FAM168B: variants seen among roughly 807,000 people sequenced by gnomAD.
FAM168B encodes the protein family with sequence similarity 168 member B.
Under a neutral mutation model 21.8 loss-of-function variants are expected in FAM168B, and 19 were observed. The ratio of observed to expected loss-of-function variants is 0.87; its 90% confidence interval spans 0.61 to 1.28. FAM168B has a LOEUF of 1.28. Among genes scored for constraint, FAM168B ranks in the 50% most tolerant of loss-of-function variants. The probability of loss-of-function intolerance (pLI) is 0.00; values close to 1 mark genes in which losing one functional copy is unlikely to be tolerated. For synonymous variants in FAM168B, 126 were observed against 104.8 expected, an observed-to-expected ratio of 1.20 and a Z score of -1.24; for missense variants, 233 against 263.1, an observed-to-expected ratio of 0.89 and a Z score of 0.79.
At chr2:131,053,080 G>A (rs767390969) in intron 5 of FAM168B, 65 bp from the exon 6 acceptor site, 46 of 1,480,948 alleles carry the variant, frequency 3.1e-5, no homozygotes, top group South Asian at 3.9e-5. Flanking sequence ...TGCCTGATAC[G>A]CACACAAGCC....
chr2:131,090,733 C>T (rs1426458975), intron 1 of FAM168B, among the ~76,000 whole-genome samples: 1 of 151,998 alleles, frequency 6.6e-6, no homozygotes, highest in East Asian at 1.9e-4. Context: ...ATAATATATA[C>T]AAATTTTTTG....
intron 1 of FAM168B, among the ~76,000 whole-genome samples, chr2:131,091,591 G>C (rs11677737): frequency 0.061 from 9,276 of 151,076 alleles, 361 homozygotes; most frequent in East Asian, 0.14. Flanking sequence ...AGGTTGCAGT[G>C]AGCCGAGATC....
chr2:131,075,082 T>G (rs1693071145), intron 2 of FAM168B, among the ~76,000 whole-genome samples: 1 of 152,018 alleles, frequency 6.6e-6, no homozygotes. Context: ...CAGAGTGTGG[T>G]GGACGTCAAG....
intron 1 of FAM168B, among the ~76,000 whole-genome samples, chr2:131,085,597 GTAGTAAGAAGAAAATAT>G (rs1693652157): frequency 6.6e-6 from 1 of 152,230 alleles, no homozygotes; most frequent in Admixed American, 6.5e-5. Context: ...AAGCAATCCT[GTAGTAAGAAGAAAATAT>G]TAGGTCACAT....
chr2:131,080,413 G>A (rs757013935), intron 2 of FAM168B, among the ~76,000 whole-genome samples: 23 of 150,986 alleles, frequency 1.5e-4, no homozygotes, highest in Non-Finnish European at 2.9e-4. Flanking sequence ...TCAGGAGAGC[G>A]GATCACTTGA....
chr2:131,088,875 T>A (rs908459653), intron 1 of FAM168B, among the ~76,000 whole-genome samples: 1 of 151,896 alleles, frequency 6.6e-6, no homozygotes, highest in African/African-American at 2.4e-5. Flanking sequence ...ATGTTAGTGC[T>A]ACTAAAATCT....
In FAM168B at chr2:131,049,567, A is replaced by C. The variant is rs777526345; in HGVS notation, c.*2898T>G. On this transcript the variant is annotated 3_prime_UTR_variant, in exon 7 of 7. Coordinates refer to ENST00000389915, the MANE Select transcript of FAM168B (RefSeq NM_001009993.4). The stretch of plus-strand genomic sequence containing the variant: ...ATGCTCAGCCGCCAGCACAGATCCA[A>C]ACAAGACCTCCATGAGCAGAGAAAC... 17 of 985,338 alleles carry C rather than the reference A, an allele frequency of 1.7e-5. No individual in the cohort carries two copies. Among genetic ancestry groups the C allele is most frequent in the Non-Finnish European group, 2.0e-5 (17 of 829,938 alleles). 61.0% of individuals were successfully genotyped at this position (985,338 alleles called of 1,614,324 possible).
chr2:131,049,451 T>A lies in FAM168B; in HGVS notation c.*3014A>T, dbSNP rs866482255. The A allele has an allele frequency of 1.0e-6, 1 of 985,310 alleles. No individual in the cohort carries two copies. The allele number at this position is 985,310 out of a possible 1,614,324, so 61.0% of individuals were successfully genotyped here. The stretch of plus-strand genomic sequence containing the variant: ...GATGGCTCACGAGAGACATAAAAGG[T>A]TCTGGAAGTGCCTTCAGGCCCATTA... On this transcript the variant is annotated 3_prime_UTR_variant, in exon 7 of 7. Coordinates refer to ENST00000389915, the MANE Select transcript of FAM168B (RefSeq NM_001009993.4).
intron 3 of FAM168B, among the ~76,000 whole-genome samples, chr2:131,060,246 G>A (rs1354227924): frequency 7.2e-5 from 11 of 152,098 alleles, no homozygotes; most frequent in East Asian, 1.9e-4. Flanking sequence ...GGCTGGTGTC[G>A]AACTCCCAAC....
chr2:131,066,750 T>C (rs1220408865), intron 3 of FAM168B, among the ~76,000 whole-genome samples: 2 of 152,198 alleles, frequency 1.3e-5, no homozygotes, highest in South Asian at 4.1e-4. Flanking sequence ...AGGGTGAAGT[T>C]AAACAACTTT....
At chr2:131,090,921 G>A (rs1040787231) in intron 1 of FAM168B, among the ~76,000 whole-genome samples, 7 of 152,226 alleles carry the variant, frequency 4.6e-5, no homozygotes, top group East Asian at 3.9e-4. Flanking sequence ...TAGTAGAGAT[G>A]GGGTTTCACC....
At position 131,082,656 on chromosome 2, in the gene FAM168B, A is replaced by G. The variant is rs779586185; in HGVS notation, c.-10T>C. On this transcript the variant is annotated splice_region_variant and 5_prime_UTR_variant, in exon 2 of 7. Transcript: ENST00000389915. Reference sequence around the variant, plus strand: ...TATAAACAGGATTCATGATTTCAAAAACTAAAAGAAAAAAAAGGGAATTTA... The same window carrying G: ...TATAAACAGGATTCATGATTTCAAAGACTAAAAGAAAAAAAAGGGAATTTA... 1.9e-6 allele frequency: 3 copies of G among 1,588,338 alleles called. No homozygotes were observed. The South Asian group carries it at 3.5e-5, about 19-fold the overall frequency.
chr2:131,055,356 C>G lies in FAM168B; in HGVS notation c.391G>C (p.Val131Leu). ...GGAGGGGGGATGGGAGCAGGGTACA[C>G]CGTTGCAGGCATGCCGTTGGGCTGC... ...VVQPNGMPATVYPAPIPPPRG... is the reference protein window; with the variant it reads ...VVQPNGMPATLYPAPIPPPRG... The change falls in exon 5 of 7, where the codon GTG (valine) becomes CTG (leucine). Residue 131 changes from valine to leucine, a missense_variant. By Grantham distance (32) the Val-to-Leu change is conservative. Transcript: ENST00000389915. 1 of 1,596,908 alleles carries G rather than the reference C, an allele frequency of 6.3e-7. No individual in the cohort carries two copies. The highest frequency in any genetic ancestry group is 1.1e-5 in the South Asian group (1 of 88,540).
chr2:131,053,103 AAGG>A (rs1691792368), intron 5 of FAM168B, 88 bp from the exon 6 acceptor site: 2 of 1,442,464 alleles, frequency 1.4e-6, no homozygotes, highest in Non-Finnish European at 9.1e-7. Flanking sequence ...GCCTCTTTGC[AAGG>A]AGGAGGGTAT....
intron 2 of FAM168B, among the ~76,000 whole-genome samples, chr2:131,075,675 A>C (rs1170336208): frequency 1.3e-5 from 2 of 151,938 alleles, no homozygotes; most frequent in Admixed American, 6.6e-5. Context: ...TTTTTAGTAG[A>C]GACAGGGTTT....
In FAM168B at chr2:131,093,342, C is replaced by G. The variant is rs1436215924; in HGVS notation, c.-140G>C. The G allele has an allele frequency of 6.6e-6, 1 of 150,560 alleles. No homozygotes were observed. The highest frequency in any genetic ancestry group is 2.4e-5 in the African/African-American group (1 of 41,300). The allele number at this position is 150,560 out of a possible 1,614,324, so 9.3% of individuals were successfully genotyped here. On this transcript the variant is annotated 5_prime_UTR_variant, in exon 1 of 7. Coordinates refer to ENST00000389915, the MANE Select transcript of FAM168B (RefSeq NM_001009993.4). ...CGATAAGAGGCTGACCCTCCGAGCCCCGCGTCTCCGCCGCCTCCCGGACGC... is the reference window on the plus strand; with the variant it reads ...CGATAAGAGGCTGACCCTCCGAGCCGCGCGTCTCCGCCGCCTCCCGGACGC...
rs761220810 is a variant in FAM168B, at chr2:131,052,891, A to T, written c.*12T>A. 4 of 1,550,974 alleles carry T rather than the reference A, an allele frequency of 2.6e-6. No homozygotes were observed. On this transcript the variant is annotated splice_region_variant and 3_prime_UTR_variant, in exon 6 of 7. Transcript: ENST00000389915. ...AGCCCAGCCTTCCCTGGTCACTTAC[A>T]TTTGCAGGTGATCACCACTGAGGGG...
intron 2 of FAM168B, among the ~76,000 whole-genome samples, chr2:131,077,443 T>C (rs999671644): frequency 6.6e-6 from 1 of 152,196 alleles, no homozygotes; most frequent in African/African-American, 2.4e-5. Context: ...GGGCTGGCCA[T>C]GAGTTCGGCA....
intron 3 of FAM168B, among the ~76,000 whole-genome samples, chr2:131,061,747 A>C (rs1692305733): frequency 2.0e-5 from 3 of 151,492 alleles, no homozygotes; most frequent in Non-Finnish European, 1.5e-5. Context: ...GCGGCAATGC[A>C]CTCCAGCCTG....
Sources: allele counts gnomAD v4.1 joint callset (sites outside exome capture counted in the v4.1 genomes callset), GRCh38; gene constraint gnomAD v4.1.1; transcripts MANE v1.5; gene names NCBI Gene and HGNC (gene_info 2026-07-23, HGNC 2026-07-21).